UNC13C: variants seen among roughly 807,000 people sequenced by gnomAD.
UNC13C encodes unc-13 homolog C.
UNC13C carries 174 observed loss-of-function variants against 245.4 expected under a neutral mutation model. The observed-to-expected ratio is 0.71, with a 90% confidence interval of 0.63 to 0.80. The LOEUF (loss-of-function observed/expected upper bound fraction) is 0.80, where lower values mean the gene tolerates loss of function less well. UNC13C is among the 30% of genes least tolerant of loss of function. UNC13C has a pLI of 0.00. For synonymous variants in UNC13C, 992 were observed against 895.1 expected, an observed-to-expected ratio of 1.11 and a Z score of -1.93; for missense variants, 2,829 against 2,602.9, an observed-to-expected ratio of 1.09 and a Z score of -1.89.
At chr15:54,163,367 T>A (rs1567060043) in intron 4 of UNC13C, among the ~76,000 whole-genome samples, 1 of 152,214 alleles carries the variant, frequency 6.6e-6, no homozygotes, top group Non-Finnish European at 1.5e-5. Context: ...GCAGAGACCT[T>A]AATTATAGGA....
intron 18 of UNC13C, among the ~76,000 whole-genome samples, chr15:54,394,696 A>C (rs2040034746): frequency 6.6e-6 from 1 of 151,916 alleles, no homozygotes; most frequent in Non-Finnish European, 1.5e-5. Flanking sequence ...ATTCAGTTCT[A>C]TGAAGAAACT....
chr15:54,476,535 A>G (rs1596449891), intron 19 of UNC13C, among the ~76,000 whole-genome samples: 1 of 151,778 alleles, frequency 6.6e-6, no homozygotes, highest in South Asian at 2.1e-4. Flanking sequence ...ATGGCTGGCC[A>G]GTTTTCCCAG....
At chr15:54,139,840 A>G (rs1439166096) in intron 2 of UNC13C, among the ~76,000 whole-genome samples, 1 of 152,090 alleles carries the variant, frequency 6.6e-6, no homozygotes, top group East Asian at 1.9e-4. Flanking sequence ...TCTATATTTA[A>G]ATCTTTAATG....
intron 17 of UNC13C, among the ~76,000 whole-genome samples, chr15:54,358,693 C>A (rs1361260962): frequency 2.0e-5 from 3 of 151,946 alleles, no homozygotes; most frequent in Non-Finnish European, 2.9e-5. Flanking sequence ...CATTTATTTA[C>A]TGGTTCCAAT....
chr15:54,578,277 G>A (rs539636314), intron 30 of UNC13C, among the ~76,000 whole-genome samples: 61 of 152,204 alleles, frequency 4.0e-4, no homozygotes, highest in African/African-American at 1.3e-3. Flanking sequence ...TTTTTAGCTC[G>A]GAATAGGTGT....
intron 13 of UNC13C, among the ~76,000 whole-genome samples, chr15:54,303,511 G>A (rs956185135): frequency 1.3e-5 from 2 of 152,016 alleles, no homozygotes; most frequent in Non-Finnish European, 2.9e-5. Flanking sequence ...ATAGAAAAAT[G>A]GTAAGTATGT....
intron 17 of UNC13C, among the ~76,000 whole-genome samples, chr15:54,360,128 T>C (rs1191668163): frequency 1.3e-5 from 2 of 152,002 alleles, no homozygotes; most frequent in East Asian, 3.8e-4. Context: ...TTCCTTTTGT[T>C]ATTGATTTTT....
chr15:53,946,368 G>T, the UNC13C span, among the ~76,000 whole-genome samples: 2 of 151,858 alleles, frequency 1.3e-5, no homozygotes, highest in Non-Finnish European at 2.9e-5. Flanking sequence ...GTATGATGTT[G>T]GCTGAGGGTT....
intron 2 of UNC13C, among the ~76,000 whole-genome samples, chr15:54,016,117 C>G (rs1895645278): frequency 6.6e-6 from 1 of 152,166 alleles, no homozygotes; most frequent in African/African-American, 2.4e-5. Flanking sequence ...TGAGCCCAAA[C>G]TTAACCCAAC....
chr15:53,865,953 C>A, the UNC13C span, among the ~76,000 whole-genome samples: 2 of 151,722 alleles, frequency 1.3e-5, no homozygotes, highest in East Asian at 1.9e-4. Flanking sequence ...TGAACCTATA[C>A]AATAGAATAA....
At chr15:53,972,376 A>T in the UNC13C span, among the ~76,000 whole-genome samples, 1 of 152,186 alleles carries the variant, frequency 6.6e-6, no homozygotes, top group Non-Finnish European at 1.5e-5. Context: ...GAAACCCTGT[A>T]AAAAGAAAGG....
At chr15:53,920,554 AAAT>A in the UNC13C span, among the ~76,000 whole-genome samples, 2 of 152,220 alleles carry the variant, frequency 1.3e-5, no homozygotes, top group Non-Finnish European at 1.5e-5. Flanking sequence ...ACTGTCTCAA[AAAT>A]AATAATAAAT....
At chr15:54,552,473 T>TA (rs1566904550) in intron 28 of UNC13C, among the ~76,000 whole-genome samples, 1 of 31,348 alleles carries the variant, frequency 3.2e-5, no homozygotes, top group African/African-American at 1.5e-4. Flanking sequence ...TATTACAATA[T>TA]ATAATATAAT....
intron 17 of UNC13C, among the ~76,000 whole-genome samples, chr15:54,351,128 C>A (rs1014220751): frequency 6.6e-6 from 1 of 152,010 alleles, no homozygotes; most frequent in Non-Finnish European, 1.5e-5. Context: ...CCTGAAAAGT[C>A]CAGTAAACAT....
At chr15:54,060,698 G>C (rs1317069890) in intron 2 of UNC13C, among the ~76,000 whole-genome samples, 1 of 151,998 alleles carries the variant, frequency 6.6e-6, no homozygotes, top group Admixed American at 6.6e-5. Context: ...ATTCACAATA[G>C]CAAAGACTTG....
rs768850491 is a variant in UNC13C, at chr15:54,012,999, CAA to C, written c.98_99del (p.Lys33ArgfsTer27). ...TKKLGNTNKN[K>X]EYRQQKKDQD... ...AGAAATTGGGAAATACAAACAAAAA[CAA>C]AGAGTATCGTCAGCAGAAAAAGGAT... On this transcript the variant is annotated frameshift_variant, in exon 2 of 33. Transcript: ENST00000260323. LOFTEE classifies it high-confidence loss of function. The C allele has an allele frequency of 1.6e-5, 26 of 1,613,652 alleles. No homozygotes were observed. Among genetic ancestry groups the C allele is most frequent in the Non-Finnish European group, 1.9e-5 (22 of 1,179,792 alleles).
rs1891848530 is a variant in UNC13C, at chr15:54,461,574, A to G, written c.4934-33034A>G. Among the ~76,000 whole-genome samples the G allele has an allele frequency of 2.6e-5, 4 of 152,310 alleles. No individual in the cohort carries two copies. The South Asian group carries it at 8.3e-4, about 32-fold the overall frequency. ...TTAAAAATCCATTAATAATTGTGAA[A>G]ATACTACATGTATTTATGATTATGG... On this transcript the variant is annotated intron_variant, in intron 19 of 32. Coordinates refer to ENST00000260323, the MANE Select transcript of UNC13C (RefSeq NM_001080534.3).
At chr15:53,843,677 G>T in the UNC13C span, among the ~76,000 whole-genome samples, 1 of 152,018 alleles carries the variant, frequency 6.6e-6, no homozygotes, top group South Asian at 2.1e-4. Flanking sequence ...GAAAATGAAG[G>T]CCATGTGTGC....
chr15:53,998,249 G>A (rs1894724363), intron 1 of UNC13C, among the ~76,000 whole-genome samples: 1 of 152,106 alleles, frequency 6.6e-6, no homozygotes, highest in Non-Finnish European at 1.5e-5. Flanking sequence ...ACTTTGGGGA[G>A]AACTGATATA....
Sources: allele counts gnomAD v4.1 joint callset (sites outside exome capture counted in the v4.1 genomes callset), GRCh38; gene constraint gnomAD v4.1.1; transcripts MANE v1.5; gene names NCBI Gene and HGNC (gene_info 2026-07-23, HGNC 2026-07-21).